The following DPP10 variants were observed in gnomAD, a reference collection of about 807,000 sequenced individuals.
DPP10 encodes dipeptidyl peptidase like 10, also known as inactive dipeptidyl peptidase 10.
In DPP10, 33 loss-of-function variants were observed where a neutral mutation model predicts 120.9. The ratio of observed to expected loss-of-function variants is 0.27; its 90% CI spans 0.21 to 0.37. The LOEUF (loss-of-function observed/expected upper bound fraction) is 0.37. Among genes scored for constraint, DPP10 ranks in the 10% least tolerant of loss-of-function variants. The pLI is 1.00. For missense variants in DPP10, 816 were observed against 942.8 expected, an observed-to-expected ratio of 0.87 and a Z score of 1.76; for synonymous variants, 337 against 326.1, an observed-to-expected ratio of 1.03 and a Z score of -0.36.
intron 4 of DPP10, among the ~76,000 whole-genome samples, chr2:115,509,385 G>A (rs1033935355): frequency 2.0e-5 from 3 of 152,164 alleles, no homozygotes; most frequent in Non-Finnish European, 4.4e-5. Context: ...TGAGATTTTG[G>A]TTGTATGACT....
intron 4 of DPP10, among the ~76,000 whole-genome samples, chr2:115,505,424 T>A (rs1308693707): frequency 6.6e-6 from 1 of 152,060 alleles, no homozygotes. Context: ...CCAGTGTTGA[T>A]TTTTTTAGAA....
At chr2:114,910,080 T>A (rs981292508) in intron 1 of DPP10, among the ~76,000 whole-genome samples, 1 of 151,846 alleles carries the variant, frequency 6.6e-6, no homozygotes, top group African/African-American at 2.4e-5. Context: ...TTATGAAGAA[T>A]AGAGAACTAC....
At chr2:114,606,500 T>C (rs1272226545) in intron 1 of DPP10, among the ~76,000 whole-genome samples, 4 of 152,154 alleles carry the variant, frequency 2.6e-5, no homozygotes, top group African/African-American at 7.2e-5. Flanking sequence ...CTGGGAGTCA[T>C]TTGTTAAGTT....
intron 17 of DPP10, among the ~76,000 whole-genome samples, chr2:115,782,717 C>G (rs908076741): frequency 5.3e-5 from 8 of 152,040 alleles, no homozygotes; most frequent in Non-Finnish European, 8.8e-5. Context: ...TCATTCTTGC[C>G]TGGGCCTCAC....
chr2:115,348,486 T>A (rs1431734177), intron 3 of DPP10, among the ~76,000 whole-genome samples: 11 of 151,546 alleles, frequency 7.3e-5, no homozygotes, highest in Non-Finnish European at 1.6e-4. Flanking sequence ...GTTTACATAG[T>A]TTTTTTTTAT....
chr2:115,769,678 TAGATGA>T (rs1312774333), intron 13 of DPP10, among the ~76,000 whole-genome samples: 2 of 152,012 alleles, frequency 1.3e-5, no homozygotes, highest in Admixed American at 1.3e-4. Flanking sequence ...TATGCATTTA[TAGATGA>T]ATAAAATTTT....
chr2:115,127,259 T>G (rs1264913947), intron 1 of DPP10, among the ~76,000 whole-genome samples: 1 of 152,242 alleles, frequency 6.6e-6, no homozygotes, highest in South Asian at 2.1e-4. Flanking sequence ...CTGATTCTCT[T>G]CGTGTTAAAA....
chr2:115,342,870 G>C (rs971761605), intron 2 of DPP10, among the ~76,000 whole-genome samples: 1 of 152,082 alleles, frequency 6.6e-6, no homozygotes, highest in Non-Finnish European at 1.5e-5. Context: ...AATTGCATTT[G>C]ACGTTATTGA....
chr2:114,526,976 C>T (rs533041430), intron 1 of DPP10, among the ~76,000 whole-genome samples: 2 of 152,286 alleles, frequency 1.3e-5, no homozygotes, highest in South Asian at 2.1e-4. Context: ...GTAATCCTCT[C>T]CTTTTGATGT....
At chr2:115,560,912 G>A (rs1393611342) in intron 5 of DPP10, among the ~76,000 whole-genome samples, 1 of 152,090 alleles carries the variant, frequency 6.6e-6, no homozygotes, top group Non-Finnish European at 1.5e-5. Flanking sequence ...TATTTATTTA[G>A]ACATCTATCT....
At chr2:114,472,625 G>C (rs1680016453) in intron 1 of DPP10, among the ~76,000 whole-genome samples, 1 of 152,076 alleles carries the variant, frequency 6.6e-6, no homozygotes, top group African/African-American at 2.4e-5. Flanking sequence ...ATTATCTCAG[G>C]GGACTCACAG....
intron 2 of DPP10, among the ~76,000 whole-genome samples, chr2:115,331,571 G>A (rs2062738038): frequency 1.3e-5 from 2 of 152,102 alleles, no homozygotes; most frequent in South Asian, 4.1e-4. Context: ...GTCATAGATA[G>A]CTCTTATTAT....
intron 1 of DPP10, among the ~76,000 whole-genome samples, chr2:115,244,020 T>C (rs948298514): frequency 9.2e-5 from 14 of 151,496 alleles, no homozygotes; most frequent in Non-Finnish European, 1.3e-4. Flanking sequence ...ATTTAAGCCT[T>C]TTTTATGTGT....
At chr2:115,377,649 A>T (rs28850614) in intron 3 of DPP10, among the ~76,000 whole-genome samples, 69,820 of 151,306 alleles carry the variant, frequency 0.46, 17,064 homozygotes, top group Non-Finnish European at 0.56. Flanking sequence ...CTGAATGGTA[A>T]TGCCTAGGTT....
chr2:115,382,125 G>A (rs530476523), intron 3 of DPP10, among the ~76,000 whole-genome samples: 1 of 152,320 alleles, frequency 6.6e-6, no homozygotes, highest in Admixed American at 6.5e-5. Context: ...ACCTAAGCAA[G>A]CCTGGGCAAT....
chr2:115,259,407 C>T (rs1173772703), intron 1 of DPP10, among the ~76,000 whole-genome samples: 1 of 151,720 alleles, frequency 6.6e-6, no homozygotes, highest in Non-Finnish European at 1.5e-5. Flanking sequence ...TCACTTGAAC[C>T]CGGGAGGCGG....
At chr2:115,574,681 G>C (rs984564610) in intron 5 of DPP10, among the ~76,000 whole-genome samples, 5 of 152,198 alleles carry the variant, frequency 3.3e-5, no homozygotes, top group African/African-American at 1.2e-4. Flanking sequence ...GCTTGTTAAT[G>C]GTGAGGACTT....
At chr2:115,589,782 A>G (rs962410587) in intron 5 of DPP10, among the ~76,000 whole-genome samples, 1 of 152,228 alleles carries the variant, frequency 6.6e-6, no homozygotes, top group Non-Finnish European at 1.5e-5. Flanking sequence ...ATTAAAATTT[A>G]AAGTATAAGT....
At chr2:114,950,431 A>G (rs1043780186) in intron 1 of DPP10, among the ~76,000 whole-genome samples, 3 of 150,592 alleles carry the variant, frequency 2.0e-5, no homozygotes, top group Non-Finnish European at 4.4e-5. Flanking sequence ...AGTAGCTGGG[A>G]CTACAGGTTC....
Sources: gnomAD v4.1 joint callset for allele counts (sites outside exome capture counted in the v4.1 genomes callset) on GRCh38, gnomAD v4.1.1 for gene constraint, MANE v1.5 for transcripts, NCBI Gene and HGNC (gene_info 2026-07-23, HGNC 2026-07-21) for gene names.